Variants in ALK observed in about 807,000 individuals in gnomAD.
The protein encoded by ALK is ALK tyrosine kinase receptor.
Under a neutral mutation model 163.1 loss-of-function variants are expected in ALK, and 74 were observed. The ratio of observed to expected loss-of-function variants is 0.45; its 90% CI spans 0.38 to 0.55. The LOEUF is 0.55. Among genes scored for constraint, ALK ranks in the 20% least tolerant of loss-of-function variants. The pLI is 0.00. For synonymous variants in ALK, 960 were observed against 843.2 expected (o/e 1.14, Z -2.40); for missense variants, 2,063 against 2,105.3 (o/e 0.98, Z 0.39).
chr2:29,403,709 C>CAAAAAAAA (rs67270103), intron 4 of ALK, among the ~76,000 whole-genome samples: 9 of 74,184 alleles, frequency 1.2e-4, no homozygotes, highest in East Asian at 1.1e-3. Flanking sequence ...CAGGTCTCTA[C>CAAAAAAAA]AAAAAAAAAA....
intron 4 of ALK, among the ~76,000 whole-genome samples, chr2:29,416,395 C>A (rs1669877455): frequency 6.6e-6 from 1 of 152,228 alleles, no homozygotes; most frequent in Non-Finnish European, 1.5e-5. Flanking sequence ...AAGTGCCTCA[C>A]TCATGATTTC....
At chr2:29,315,070 C>T (rs1666795348) in intron 8 of ALK, among the ~76,000 whole-genome samples, 1 of 152,180 alleles carries the variant, frequency 6.6e-6, no homozygotes, top group Non-Finnish European at 1.5e-5. Context: ...TTGTAAGTGG[C>T]TCCCCAGTTT....
intron 1 of ALK, among the ~76,000 whole-genome samples, chr2:29,917,514 A>C (rs1392073900): frequency 6.6e-6 from 1 of 152,254 alleles, no homozygotes; most frequent in East Asian, 1.9e-4. Context: ...ATAATGATAC[A>C]TGTTGTCTGA....
At chr2:29,655,396 T>C (rs1677157085) in intron 3 of ALK, among the ~76,000 whole-genome samples, 1 of 152,132 alleles carries the variant, frequency 6.6e-6, no homozygotes, top group Non-Finnish European at 1.5e-5. Flanking sequence ...AATACACCAG[T>C]TCTGTATGTT....
rs749848775 is a variant in ALK at position 29,197,685 on chromosome 2, G to A, written c.3939-9C>T. On this transcript the variant is annotated splice_polypyrimidine_tract_variant and intron_variant, in intron 26 of 28. Transcript: ENST00000389048. ...GCAGCACTCCAAAGGACCTGGGCAT[G>A]GGACAGAGGACATGGAGATGGATAT... 1.3e-5 allele frequency: 21 copies of A among 1,612,360 alleles called. No individual in the cohort carries two copies. The highest frequency in any genetic ancestry group is 1.7e-5 in the Non-Finnish European group (20 of 1,178,882).
intron 1 of ALK, among the ~76,000 whole-genome samples, chr2:29,791,868 T>C (rs1046899778): frequency 1.3e-5 from 2 of 152,178 alleles, no homozygotes; most frequent in Non-Finnish European, 2.9e-5. Flanking sequence ...ATTTGAAACA[T>C]TGCATTTCAG....
chr2:29,234,365 C>T (rs1180093136), intron 13 of ALK, among the ~76,000 whole-genome samples: 1 of 152,018 alleles, frequency 6.6e-6, no homozygotes, highest in South Asian at 2.1e-4. Flanking sequence ...TGAGAGCCAT[C>T]GAGGTTTTCT....
chr2:29,713,830 A>G (rs1400903141), intron 2 of ALK, among the ~76,000 whole-genome samples: 1 of 152,082 alleles, frequency 6.6e-6, no homozygotes, highest in Non-Finnish European at 1.5e-5. Flanking sequence ...AGAGTTTTGC[A>G]ATGTATCATG....
At chr2:29,265,244 C>T (rs752446186) in intron 11 of ALK, among the ~76,000 whole-genome samples, 9 of 152,136 alleles carry the variant, frequency 5.9e-5, no homozygotes, top group Admixed American at 2.0e-4. Context: ...TCTTGAACTC[C>T]GGACCTCAAG....
At chr2:29,377,141 A>G (rs1055488042) in intron 5 of ALK, among the ~76,000 whole-genome samples, 3 of 152,200 alleles carry the variant, frequency 2.0e-5, no homozygotes, top group African/African-American at 7.2e-5. Context: ...CATATTTTAA[A>G]TAAGTGTAAC....
At chr2:29,379,962 G>A (rs1668854790) in intron 5 of ALK, among the ~76,000 whole-genome samples, 2 of 152,130 alleles carry the variant, frequency 1.3e-5, no homozygotes, top group Admixed American at 1.3e-4. Context: ...GGATTAATTG[G>A]CTCATGGTTC....
chr2:29,354,767 C>CTTTTTT (rs763001304), intron 5 of ALK, among the ~76,000 whole-genome samples: 18 of 138,482 alleles, frequency 1.3e-4, no homozygotes, highest in East Asian at 2.1e-4. Context: ...TTTTCTTTTT[C>CTTTTTT]TTTTTTTTTT....
At chr2:29,706,765 G>C (rs960141443) in intron 2 of ALK, among the ~76,000 whole-genome samples, 4 of 152,140 alleles carry the variant, frequency 2.6e-5, no homozygotes, top group Non-Finnish European at 5.9e-5. Flanking sequence ...CTTAATCATA[G>C]AACAGAAAAT....
At chr2:29,631,897 C>T (rs191219492) in intron 3 of ALK, among the ~76,000 whole-genome samples, 2 of 152,322 alleles carry the variant, frequency 1.3e-5, no homozygotes, top group Admixed American at 1.3e-4. Flanking sequence ...CATATGACAG[C>T]TATGTATTGT....
intron 4 of ALK, among the ~76,000 whole-genome samples, chr2:29,460,320 T>C (rs1017931634): frequency 2.6e-5 from 4 of 152,198 alleles, no homozygotes; most frequent in Non-Finnish European, 4.4e-5. Context: ...ATACAAAGAA[T>C]GCAATACTTG....
At chr2:29,757,013 G>A (rs1421003057) in intron 1 of ALK, among the ~76,000 whole-genome samples, 4 of 152,190 alleles carry the variant, frequency 2.6e-5, no homozygotes, top group African/African-American at 9.7e-5. Flanking sequence ...AGCAGAAAGG[G>A]GGCTAGAGAG....
At chr2:29,197,752 G>C (rs955468883) in intron 26 of ALK, 76 bp from the exon 27 acceptor site, 2 of 1,250,638 alleles carry the variant, frequency 1.6e-6, no homozygotes, top group South Asian at 1.2e-5. Context: ...CAGGCACACA[G>C]ACATACAATT....
At chr2:29,494,359 G>A (rs919715199) in intron 4 of ALK, among the ~76,000 whole-genome samples, 6 of 152,120 alleles carry the variant, frequency 3.9e-5, no homozygotes, top group African/African-American at 1.4e-4. Flanking sequence ...CAGGAGCTGC[G>A]GGAGAAATCT....
intron 28 of ALK, 146 bp downstream of exon 28, chr2:29,196,619 GTCATT>G: frequency 1.4e-6 from 1 of 702,962 alleles, no homozygotes; most frequent in Non-Finnish European, 2.5e-6. Flanking sequence ...GGAGACACCA[GTCATT>G]TCATTTTAGA....
Sources: gnomAD v4.1 joint callset for allele counts (sites outside exome capture counted in the v4.1 genomes callset) on GRCh38, gnomAD v4.1.1 for gene constraint, MANE v1.5 for transcripts, NCBI Gene and HGNC (gene_info 2026-07-23, HGNC 2026-07-21) for gene names.